Variants in ABTB3 observed in about 807,000 individuals in gnomAD.
ABTB3 encodes ankyrin repeat- and BTB/POZ domain-containing protein 3.
chr12:107,443,744 G>T, the ABTB3 span, among the ~76,000 whole-genome samples: 1 of 152,118 alleles, frequency 6.6e-6, no homozygotes, highest in Non-Finnish European at 1.5e-5. Flanking sequence ...TATAGTCTGT[G>T]CCAATAGGTC....
the ABTB3 span, chr12:107,634,930 GC>G: frequency 1.2e-5 from 2 of 169,278 alleles, no homozygotes; most frequent in Non-Finnish European, 2.5e-5. Context: ...ATAATTCACT[GC>G]TTCCAGAATT....
chr12:107,572,122 T>G, the ABTB3 span, among the ~76,000 whole-genome samples: 9 of 152,118 alleles, frequency 5.9e-5, no homozygotes, highest in African/African-American at 2.2e-4. Context: ...ATTATCTGAG[T>G]GGGCCCTACA....
chr12:107,640,618 G>C, the ABTB3 span, among the ~76,000 whole-genome samples: 3 of 152,228 alleles, frequency 2.0e-5, no homozygotes, highest in Admixed American at 6.5e-5. Flanking sequence ...GGGGCCAGGG[G>C]GGCCGAGCTT....
the ABTB3 span, among the ~76,000 whole-genome samples, chr12:107,651,081 G>A: frequency 2.5e-3 from 379 of 151,096 alleles, 17 homozygotes; most frequent in East Asian, 0.065. Flanking sequence ...AAAGCCTGTC[G>A]TTCTCTCAAC....
At chr12:107,612,718 T>C in the ABTB3 span, 1 of 1,435,904 alleles carries the variant, frequency 7.0e-7, no homozygotes, top group Non-Finnish European at 9.6e-7. Flanking sequence ...CATTTGTTAT[T>C]GTCGATTGAC....
the ABTB3 span, chr12:107,520,714 T>C: frequency 4.5e-6 from 7 of 1,561,378 alleles, no homozygotes; most frequent in East Asian, 1.1e-4. Context: ...AATGTCCTCA[T>C]GCCAACCCCT....
At chr12:107,517,030 CTG>C in the ABTB3 span, among the ~76,000 whole-genome samples, 1 of 152,162 alleles carries the variant, frequency 6.6e-6, no homozygotes, top group African/African-American at 2.4e-5. Flanking sequence ...TTTAATCCAT[CTG>C]GAATTAATTT....
chr12:107,642,015 A>G, the ABTB3 span: 2 of 1,346,866 alleles, frequency 1.5e-6, no homozygotes, highest in Non-Finnish European at 2.1e-6. Flanking sequence ...TTCCATTGTC[A>G]GGAGAGCAGA....
At chr12:107,530,669 G>A in the ABTB3 span, among the ~76,000 whole-genome samples, 1 of 152,160 alleles carries the variant, frequency 6.6e-6, no homozygotes, top group African/African-American at 2.4e-5. Flanking sequence ...GCAGTTCTAT[G>A]TAATCATCTT....
chr12:107,371,622 G>A, the ABTB3 span, among the ~76,000 whole-genome samples: 16 of 152,194 alleles, frequency 1.1e-4, no homozygotes, highest in Admixed American at 9.8e-4. Context: ...ATAAGTGTAC[G>A]CTCAAGATAG....
chr12:107,655,256 A>AATATATATATATATAT, the ABTB3 span, among the ~76,000 whole-genome samples: 355 of 148,812 alleles, frequency 2.4e-3, 1 homozygote, highest in African/African-American at 8.5e-3. Flanking sequence ...GCCTCTTTCA[A>AATATATATATATATAT]ATATATATAT....
chr12:107,474,585 T>G, the ABTB3 span, among the ~76,000 whole-genome samples: 1 of 149,114 alleles, frequency 6.7e-6, no homozygotes, highest in African/African-American at 2.5e-5. Context: ...GGAAGGGGAG[T>G]AGTTGGCCAC....
chr12:107,543,254 G>A, the ABTB3 span, among the ~76,000 whole-genome samples: 2 of 146,756 alleles, frequency 1.4e-5, no homozygotes, highest in South Asian at 2.2e-4. Context: ...CAGGAGAATC[G>A]ATTGAACCCG....
chr12:107,417,189 T>C, the ABTB3 span, among the ~76,000 whole-genome samples: 1 of 152,208 alleles, frequency 6.6e-6, no homozygotes, highest in Non-Finnish European at 1.5e-5. Context: ...CATTGATTGG[T>C]TAAAAGCACA....
chr12:107,392,746 G>C, the ABTB3 span, among the ~76,000 whole-genome samples: 1 of 152,194 alleles, frequency 6.6e-6, no homozygotes, highest in Non-Finnish European at 1.5e-5. Context: ...CTGTGAGGTG[G>C]GAAATCACAT....
chr12:107,412,339 C>G, the ABTB3 span, among the ~76,000 whole-genome samples: 1 of 152,148 alleles, frequency 6.6e-6, no homozygotes, highest in African/African-American at 2.4e-5. Context: ...CTGAGCCAAG[C>G]TCAGACGCCT....
chr12:107,531,656 C>T, the ABTB3 span, among the ~76,000 whole-genome samples: 4 of 152,250 alleles, frequency 2.6e-5, no homozygotes, highest in East Asian at 7.7e-4. Flanking sequence ...GGACCCAAGC[C>T]TAGCATAGGG....
At chr12:107,566,177 G>C in the ABTB3 span, among the ~76,000 whole-genome samples, 1,009 of 152,204 alleles carry the variant, frequency 6.6e-3, 13 homozygotes, top group Middle Eastern at 0.041. Flanking sequence ...TCTTTTCCTT[G>C]ATTTTTAATT....
At chr12:107,378,521 A>T in the ABTB3 span, among the ~76,000 whole-genome samples, 5 of 152,230 alleles carry the variant, frequency 3.3e-5, no homozygotes, top group African/African-American at 1.2e-4. Context: ...AAGGTCTTAT[A>T]GCAAGTAAGT....
Sources: gnomAD v4.1 joint callset for allele counts (sites outside exome capture counted in the v4.1 genomes callset) on GRCh38, gnomAD v4.1.1 for gene constraint, MANE v1.5 for transcripts, NCBI Gene and HGNC (gene_info 2026-07-23, HGNC 2026-07-21) for gene names.